Variants in FKBP6 observed in about 807,000 individuals in gnomAD.
The protein encoded by FKBP6 is FKBP prolyl isomerase family member 6 (inactive).
In FKBP6, 29 loss-of-function variants were observed where a neutral mutation model predicts 41.7. That is an observed-to-expected ratio of 0.70 (90% confidence interval 0.52 to 0.95). FKBP6 has a LOEUF of 0.95. Ranked by LOEUF, FKBP6 falls within the 40% of genes least tolerant of loss-of-function variation. FKBP6 has a pLI of 0.00. For missense variants in FKBP6, 338 were observed against 408.7 expected (o/e 0.83, Z 1.49); for synonymous variants, 130 against 165.1 (o/e 0.79, Z 1.63).
chr7:73,328,755 G>T (rs1222262578), intron 2 of FKBP6, 63 bp downstream of exon 2: 6 of 1,611,434 alleles, frequency 3.7e-6, no homozygotes, highest in Non-Finnish European at 5.1e-6. Flanking sequence ...GAAGAGAGAG[G>T]CCTCATTTTC....
At chr7:73,357,654 C>T (rs782217955) in intron 8 of FKBP6, among the ~76,000 whole-genome samples, 2 of 152,026 alleles carry the variant, frequency 1.3e-5, no homozygotes, top group Non-Finnish European at 2.9e-5. Flanking sequence ...CTCCTCTTCC[C>T]TCTCTCAGGT....
intron 8 of FKBP6, among the ~76,000 whole-genome samples, chr7:73,346,439 G>C (rs1467486838): frequency 6.6e-6 from 1 of 152,236 alleles, no homozygotes; most frequent in Non-Finnish European, 1.5e-5. Context: ...CTGTGAGGGA[G>C]CACCCCTGAT....
rs1805237105 is a variant in FKBP6, at chr7:73,343,011, A to C, written c.*2+112A>C. 5 of 786,042 alleles carry C rather than the reference A, an allele frequency of 6.4e-6. No individual in the cohort carries two copies. The South Asian group carries it at 6.9e-5, about 11-fold the overall frequency. The allele number at this position is 786,042 out of a possible 1,614,324, so 48.7% of individuals were successfully genotyped here. ...GCAGCTGAGGGTGGACGAGGGGTAG[A>C]CAAGTTCCTTGCTGTAAAGAACAAC... is the stretch of plus-strand genomic sequence containing the variant. On this transcript the variant is annotated intron_variant, in intron 8 of 8. Coordinates refer to ENST00000252037, the MANE Select transcript of FKBP6 (RefSeq NM_003602.5).
At position 73,340,721 on chromosome 7, in the gene FKBP6, C is replaced by T. The variant is rs782318583; in HGVS notation, c.672C>T (p.Asn224=). Residue 224 remains asparagine (N), a synonymous_variant, in exon 6 of 9, where the codon AAC becomes AAT. Coordinates refer to ENST00000252037, the MANE Select transcript of FKBP6 (RefSeq NM_003602.5). ...VEAAKLPVLL[N]LSFTYLKLDR... ...CCGCCAAGCTTCCTGTTCTCCTGAA[C>T]CTGTCCTTTACATACCTGAAGCTAG... 11 of 1,613,928 alleles carry T rather than the reference C, an allele frequency of 6.8e-6. No homozygotes were observed. Among genetic ancestry groups the T allele is most frequent in the Non-Finnish European group, 9.3e-6 (11 of 1,179,948 alleles).
chr7:73,350,072 A>G (rs887403879), intron 8 of FKBP6, among the ~76,000 whole-genome samples: 1 of 152,132 alleles, frequency 6.6e-6, no homozygotes, highest in Admixed American at 6.5e-5. Flanking sequence ...GACCAAATAT[A>G]TATTTCTGAC....
intron 4 of FKBP6, among the ~76,000 whole-genome samples, chr7:73,330,585 T>G (rs2115828926): frequency 6.6e-6 from 1 of 152,310 alleles, no homozygotes; most frequent in South Asian, 2.1e-4. Context: ...GTTTAAGGAT[T>G]AGTGGTTTGA....
At chr7:73,344,145 T>C (rs1805273285) in intron 8 of FKBP6, among the ~76,000 whole-genome samples, 1 of 152,208 alleles carries the variant, frequency 6.6e-6, no homozygotes, top group Non-Finnish European at 1.5e-5. Flanking sequence ...TGGTCACTTC[T>C]AGTATCCAGT....
intron 5 of FKBP6, among the ~76,000 whole-genome samples, chr7:73,336,499 G>A (rs964756787): frequency 9.2e-5 from 14 of 152,172 alleles, no homozygotes; most frequent in Admixed American, 8.5e-4. Flanking sequence ...TCGGGGAAGA[G>A]GCAGTAGTTG....
At chr7:73,341,435 G>A in intron 7 of FKBP6, 53 bp downstream of exon 7, 1 of 1,109,592 alleles carries the variant, frequency 9.0e-7, no homozygotes, top group Non-Finnish European at 1.4e-6. Flanking sequence ...TGTGACTCTG[G>A]TCTGTCCCCC....
intron 8 of FKBP6, among the ~76,000 whole-genome samples, chr7:73,354,033 C>T (rs1283025758): frequency 6.6e-6 from 1 of 152,106 alleles, no homozygotes; most frequent in African/African-American, 2.4e-5. Context: ...GTTTGGATGG[C>T]ACTTTGACCC....
In FKBP6 at chr7:73,341,130, G is replaced by T. The variant is rs1363002944; in HGVS notation, c.784-143G>T. ...GTAGAGATAGGGTTTTGCCGTGTTGGCCAGGCTGGTCTGGAATCCCTGACC... is the reference window on the plus strand; with the variant it reads ...GTAGAGATAGGGTTTTGCCGTGTTGTCCAGGCTGGTCTGGAATCCCTGACC... On this transcript the variant is annotated intron_variant, in intron 6 of 8. Coordinates refer to ENST00000252037, the MANE Select transcript of FKBP6 (RefSeq NM_003602.5). 6 of 769,978 alleles carry T rather than the reference G, an allele frequency of 7.8e-6. No homozygotes were observed. The African/African-American group carries it at 1.0e-4, about 13-fold the overall frequency. The allele number at this position is 769,978 out of a possible 1,614,324, so 47.7% of individuals were successfully genotyped here.
At position 73,328,186 on chromosome 7, in the gene FKBP6, G is replaced by A. The variant is rs1804692157; in HGVS notation, c.-243G>A. ...ATCATGTTTCGTGCGCTCCCATTAC[G>A]GATCATACCTCGCACCTCACCGCGT... On this transcript the variant is annotated 5_prime_UTR_variant, in exon 1 of 9. Transcript: ENST00000252037. 35 of 1,545,994 alleles carry A rather than the reference G, an allele frequency of 2.3e-5. 2 individuals are homozygous for A. The South Asian group carries it at 3.9e-4, about 17-fold the overall frequency.
intron 8 of FKBP6, among the ~76,000 whole-genome samples, chr7:73,349,852 A>G (rs1004268861): frequency 1.4e-4 from 21 of 152,058 alleles, no homozygotes; most frequent in African/African-American, 5.1e-4. Flanking sequence ...TTCTGGCACA[A>G]TTGGTTGAAT....
chr7:73,353,567 T>G (rs563896144), intron 8 of FKBP6, among the ~76,000 whole-genome samples: 2 of 152,322 alleles, frequency 1.3e-5, no homozygotes, highest in African/African-American at 4.8e-5. Context: ...TTTCTGCTGT[T>G]TGTTTACTGC....
intron 5 of FKBP6, among the ~76,000 whole-genome samples, chr7:73,335,047 T>C (rs1357349992): frequency 6.6e-6 from 1 of 151,838 alleles, no homozygotes; most frequent in Admixed American, 6.6e-5. Flanking sequence ...TACTGAATTA[T>C]GTTTTCCAGA....
In FKBP6 at chr7:73,331,675, C is replaced by G. The variant is rs781902908; in HGVS notation, c.487C>G (p.Pro163Ala). The change falls in exon 5 of 9, where the codon CCA (proline) becomes GCA (alanine). Residue 163 changes from proline to alanine, a missense_variant. By Grantham distance (27) the Pro-to-Ala change is conservative (BLOSUM62 -1). Coordinates refer to ENST00000252037, the MANE Select transcript of FKBP6 (RefSeq NM_003602.5). ...ALSAEQQDQF[P>A]LQKVLKVAAT... ...TCCTCAGGAGCAGCAAGACCAATTTCCACTTCAGAAGGTCCTGAAAGTGGC... is the reference window on the plus strand; with the variant it reads ...TCCTCAGGAGCAGCAAGACCAATTTGCACTTCAGAAGGTCCTGAAAGTGGC... 1 of 1,613,704 alleles carries G rather than the reference C, an allele frequency of 6.2e-7. No individual in the cohort carries two copies. The highest frequency in any genetic ancestry group is 8.5e-7 in the Non-Finnish European group (1 of 1,179,618).
At chr7:73,348,160 T>G (rs1178356873) in intron 8 of FKBP6, among the ~76,000 whole-genome samples, 1 of 139,520 alleles carries the variant, frequency 7.2e-6, no homozygotes, top group African/African-American at 2.6e-5. Context: ...CCTCCTTCTA[T>G]TCTGTCTCCT....
intron 5 of FKBP6, among the ~76,000 whole-genome samples, chr7:73,338,093 T>C (rs1331628006): frequency 6.6e-6 from 1 of 152,180 alleles, no homozygotes; most frequent in Non-Finnish European, 1.5e-5. Flanking sequence ...TGGCACGATC[T>C]CGGCTCACTG....
intron 5 of FKBP6, among the ~76,000 whole-genome samples, chr7:73,340,214 C>T (rs1031660104): frequency 6.6e-6 from 1 of 151,966 alleles, no homozygotes; most frequent in South Asian, 2.1e-4. Flanking sequence ...TTGGGTAGTT[C>T]GTTGCTAGAG....
Sources: allele counts gnomAD v4.1 joint callset (sites outside exome capture counted in the v4.1 genomes callset), GRCh38; gene constraint gnomAD v4.1.1; transcripts MANE v1.5; gene names NCBI Gene and HGNC (gene_info 2026-07-23, HGNC 2026-07-21).